CAMK2D: variants seen among roughly 807,000 people sequenced by gnomAD.
CAMK2D encodes the protein calcium/calmodulin-dependent protein kinase type II subunit delta.
Under a neutral mutation model 84.0 loss-of-function variants are expected in CAMK2D, and 37 were observed. The observed-to-expected ratio is 0.44, with a 90% CI of 0.34 to 0.58. The LOEUF is 0.58. CAMK2D is among the 20% of genes least tolerant of loss of function. The probability of loss-of-function intolerance (pLI) is 0.02; values close to 1 mark genes in which losing one functional copy is unlikely to be tolerated. For missense variants in CAMK2D, 448 were observed against 652.5 expected (o/e 0.69, Z 3.41); for synonymous variants, 202 against 212.5 (o/e 0.95, Z 0.43).
At chr4:113,487,913 A>G (rs2097781246) in intron 16 of CAMK2D, among the ~76,000 whole-genome samples, 1 of 152,064 alleles carries the variant, frequency 6.6e-6, no homozygotes, top group African/African-American at 2.4e-5. Context: ...AGTAGAGTAG[A>G]AAAAGAGCTT....
At chr4:113,745,606 G>A (rs773313838) in intron 2 of CAMK2D, among the ~76,000 whole-genome samples, 2 of 151,972 alleles carry the variant, frequency 1.3e-5, no homozygotes, top group African/African-American at 4.8e-5. Context: ...TGTTAACCTC[G>A]CTTTCTTTCC....
rs768028388 is a variant in CAMK2D at position 113,726,968 on chromosome 4, A to G, written c.160+32352T>C. ...GATACCCTCTCTTAACACCAAACGCATATTTTCTTAGAATTGGTGTTTAAA... is the reference window on the plus strand; with the variant it reads ...GATACCCTCTCTTAACACCAAACGCGTATTTTCTTAGAATTGGTGTTTAAA... On this transcript the variant is annotated intron_variant, in intron 2 of 20. Coordinates refer to ENST00000511664, the MANE Select transcript of CAMK2D (RefSeq NM_001321571.2). Among the ~76,000 whole-genome samples the G allele has an allele frequency of 1.2e-4, 18 of 152,308 alleles. 1 individual carries two copies. In the South Asian group the frequency reaches 3.7e-3, roughly 32 times the overall value.
At chr4:113,544,303 C>G (rs17046206) in intron 6 of CAMK2D, among the ~76,000 whole-genome samples, 3,113 of 152,202 alleles carry the variant, frequency 0.02, 107 homozygotes, top group African/African-American at 0.071. Flanking sequence ...CTATTTTAAC[C>G]TTTTGATTCA....
At chr4:113,686,474 A>T (rs887112518) in intron 2 of CAMK2D, among the ~76,000 whole-genome samples, 20 of 152,224 alleles carry the variant, frequency 1.3e-4, no homozygotes, top group African/African-American at 4.3e-4. Flanking sequence ...TAAGTAAGGT[A>T]CCCTTCTAAT....
intron 16 of CAMK2D, among the ~76,000 whole-genome samples, chr4:113,489,239 C>T (rs2097795911): frequency 6.6e-6 from 1 of 151,326 alleles, no homozygotes; most frequent in Admixed American, 6.6e-5. Flanking sequence ...GCTGCACCCA[C>T]TAACTCGTCA....
intron 3 of CAMK2D, among the ~76,000 whole-genome samples, chr4:113,648,792 T>C (rs1255933978): frequency 1.3e-5 from 2 of 152,216 alleles, no homozygotes; most frequent in African/African-American, 4.8e-5. Context: ...CTGAAGAGGA[T>C]GCTCACATGG....
intron 2 of CAMK2D, among the ~76,000 whole-genome samples, chr4:113,698,971 T>G (rs145889499): frequency 3.7e-4 from 57 of 152,200 alleles, no homozygotes; most frequent in African/African-American, 1.3e-3. Context: ...GATAATAAAT[T>G]CTAGAAGTAT....
chr4:113,710,609 T>C (rs190254506), intron 2 of CAMK2D, among the ~76,000 whole-genome samples: 176 of 152,296 alleles, frequency 1.2e-3, no homozygotes, highest in African/African-American at 3.8e-3. Context: ...CAAAGCAATG[T>C]CTGTATTAAA....
chr4:113,680,050 C>T (rs112152481), intron 2 of CAMK2D, among the ~76,000 whole-genome samples: 3 of 152,094 alleles, frequency 2.0e-5, no homozygotes, highest in African/African-American at 7.2e-5. Flanking sequence ...TTCTACTAGT[C>T]CTTTTTCACA....
chr4:113,582,125 AT>A (rs1423087060), intron 4 of CAMK2D, among the ~76,000 whole-genome samples: 2 of 152,154 alleles, frequency 1.3e-5, no homozygotes, highest in Non-Finnish European at 1.5e-5. Context: ...AGACTTTAGA[AT>A]TTTGGTCTGT....
At chr4:113,465,420 A>G (rs1391745742) in intron 17 of CAMK2D, 109 bp downstream of exon 17, 1 of 704,554 alleles carries the variant, frequency 1.4e-6, no homozygotes. Context: ...TTGTTAACAT[A>G]TCAAACCTTG....
chr4:113,646,262 G>A (rs566250929), intron 3 of CAMK2D, among the ~76,000 whole-genome samples: 2 of 152,256 alleles, frequency 1.3e-5, no homozygotes, highest in East Asian at 1.9e-4. Context: ...GTACCCACAC[G>A]TTGTTTAACT....
intron 2 of CAMK2D, among the ~76,000 whole-genome samples, chr4:113,672,726 ATT>A (rs1479300411): frequency 6.6e-6 from 1 of 151,870 alleles, no homozygotes; most frequent in Non-Finnish European, 1.5e-5. Flanking sequence ...TTAATTCTAT[ATT>A]CTTTGTTTAC....
chr4:113,468,707 C>T (rs1293795464), intron 16 of CAMK2D, among the ~76,000 whole-genome samples: 1 of 152,108 alleles, frequency 6.6e-6, no homozygotes, highest in Non-Finnish European at 1.5e-5. Context: ...GGTCCATTCT[C>T]ATCTGGCCTT....
At chr4:113,483,668 A>G (rs2097730233) in intron 16 of CAMK2D, among the ~76,000 whole-genome samples, 1 of 151,966 alleles carries the variant, frequency 6.6e-6, no homozygotes, top group African/African-American at 2.4e-5. Flanking sequence ...AGCCTCCCAA[A>G]GTGCTGGGAT....
intron 2 of CAMK2D, among the ~76,000 whole-genome samples, chr4:113,719,228 C>A (rs369803025): frequency 6.6e-6 from 1 of 152,108 alleles, no homozygotes; most frequent in South Asian, 2.1e-4. Flanking sequence ...ACGGAATAGA[C>A]CAAACCAAAA....
intron 17 of CAMK2D, among the ~76,000 whole-genome samples, chr4:113,462,267 T>TGC (rs2097387563): frequency 8.4e-5 from 4 of 47,572 alleles, no homozygotes; most frequent in Non-Finnish European, 1.6e-4. Context: ...TATTTGGAAA[T>TGC]GTGTGTGTGT....
chr4:113,474,688 C>T (rs1412607819), intron 16 of CAMK2D, among the ~76,000 whole-genome samples: 1 of 151,908 alleles, frequency 6.6e-6, no homozygotes, highest in Non-Finnish European at 1.5e-5. Context: ...CTCTTGTCCC[C>T]CAGGCTGGAG....
chr4:113,563,357 C>G (rs2098707566), intron 4 of CAMK2D, among the ~76,000 whole-genome samples: 1 of 152,156 alleles, frequency 6.6e-6, no homozygotes, highest in African/African-American at 2.4e-5. Flanking sequence ...CAATGCAAAC[C>G]AGGCACTCTA....
Sources: gnomAD v4.1 joint callset for allele counts (sites outside exome capture counted in the v4.1 genomes callset) on GRCh38, gnomAD v4.1.1 for gene constraint, MANE v1.5 for transcripts, NCBI Gene and HGNC (gene_info 2026-07-23, HGNC 2026-07-21) for gene names.